The following NIPA1 variants were observed in gnomAD, a reference collection of about 807,000 sequenced individuals.
The protein encoded by NIPA1 is NIPA magnesium transporter 1.
NIPA1 carries 13 observed loss-of-function variants against 23.9 expected under a neutral mutation model. The ratio of observed to expected loss-of-function variants is 0.54; its 90% CI spans 0.35 to 0.87. NIPA1 has a LOEUF of 0.87. Ranked by LOEUF, NIPA1 falls within the 40% of genes least tolerant of loss-of-function variation. NIPA1 has a pLI of 0.01. For missense variants in NIPA1, 362 were observed against 429.7 expected (o/e 0.84, Z 1.39); for synonymous variants, 234 against 202.9 (o/e 1.15, Z -1.30).
upstream of NIPA1, chr15:22,786,553 ACCCGTCCCCCTCCCCTCCCCCG>A (rs1195139931): frequency 1.0e-5 from 2 of 192,642 alleles, no homozygotes; most frequent in African/African-American, 3.1e-5. Context: ...CTCCTCCCCC[ACCCGTCCCCCTCCCCTCCCCCG>A]CCCGCGCCTC....
Position 22,824,253 on chromosome 15 carries a change from C to T in NIPA1, c.*14C>T. 1 of 1,609,976 alleles carries T rather than the reference C, an allele frequency of 6.2e-7. No individual in the cohort carries two copies. Among genetic ancestry groups the T allele is most frequent in the Non-Finnish European group, 8.5e-7 (1 of 1,176,226 alleles). On this transcript the variant is annotated 3_prime_UTR_variant, in exon 5 of 5. Transcript: ENST00000337435. This position sits in a 1 kb window ranked among gnomAD's most constrained non-coding sequence, Gnocchi z 4.1. The stretch of plus-strand genomic sequence containing the variant: ...AAAACAGACTAGATTGCAATAGGAG[C>T]TTGGATGGTTCGAGGAATAGGCATT...
chr15:22,823,054 G>A (rs1158911153), intron 4 of NIPA1, among the ~76,000 whole-genome samples: 1 of 149,524 alleles, frequency 6.7e-6, no homozygotes. Flanking sequence ...GAGTAGCTGG[G>A]ATTACTGGTG....
chr15:22,800,650 C>T (rs1003973551), intron 1 of NIPA1, among the ~76,000 whole-genome samples: 12 of 151,982 alleles, frequency 7.9e-5, no homozygotes, highest in East Asian at 3.9e-4. Flanking sequence ...AAATTGGCAC[C>T]GGGCATCGTG....
chr15:22,823,569 G>A (rs902703254), intron 4 of NIPA1, among the ~76,000 whole-genome samples, 159 bp from the exon 5 acceptor site: 6 of 152,196 alleles, frequency 3.9e-5, no homozygotes, highest in African/African-American at 1.2e-4. Context: ...CAGTGGGTCT[G>A]GTAAATTCAA....
At chr15:22,798,632 A>G (rs1894994956) in intron 1 of NIPA1, among the ~76,000 whole-genome samples, 1 of 148,634 alleles carries the variant, frequency 6.7e-6, no homozygotes, top group Non-Finnish European at 1.5e-5. Context: ...GTGGATCACG[A>G]GGTCAGGAGA....
At chr15:22,793,442 T>A (rs1353232925) in intron 1 of NIPA1, among the ~76,000 whole-genome samples, 2 of 150,746 alleles carry the variant, frequency 1.3e-5, no homozygotes, top group Admixed American at 6.6e-5. Context: ...TTAGAGCTTC[T>A]TTTTTTTTAT....
chr15:22,788,949 T>C (rs1226709661), intron 1 of NIPA1, among the ~76,000 whole-genome samples: 1 of 125,308 alleles, frequency 8.0e-6, no homozygotes, highest in Non-Finnish European at 1.7e-5. Context: ...ATAAATGCTG[T>C]TTCTTATACC....
At chr15:22,794,591 T>G (rs1052306185) in intron 1 of NIPA1, among the ~76,000 whole-genome samples, 1 of 152,094 alleles carries the variant, frequency 6.6e-6, no homozygotes, top group African/African-American at 2.4e-5. Context: ...AGTGCAGCCA[T>G]GCTGTGGAGA....
Position 22,813,887 on chromosome 15 carries a change from T to G in NIPA1, c.317+1634T>G, listed in dbSNP as rs75658194. Among the ~76,000 whole-genome samples the G allele has an allele frequency of 8.9e-3, 1,359 of 152,260 alleles. 13 individuals carry two copies. The highest frequency in any genetic ancestry group is 0.068 in the Middle Eastern group (20 of 294). On this transcript the variant is annotated intron_variant, in intron 3 of 4. Transcript: ENST00000337435. ...AGAGTGTTCTCACTTTGGGAAACAC[T>G]CCTCCAGCTTCTGTGACCCGTCCCC... is the stretch of plus-strand genomic sequence containing the variant.
rs1004362098 is a variant in NIPA1 at position 22,824,824 on chromosome 15, G to C, written c.*585G>C. 4 of 148,774 alleles carry C rather than the reference G, an allele frequency of 2.7e-5. No individual in the cohort carries two copies. The highest frequency in any genetic ancestry group is 1.0e-4 in the African/African-American group (4 of 38,962). 9.2% of individuals were successfully genotyped at this position (148,774 alleles called of 1,614,324 possible). On this transcript the variant is annotated 3_prime_UTR_variant, in exon 5 of 5. Coordinates refer to ENST00000337435, the MANE Select transcript of NIPA1 (RefSeq NM_144599.5). This position sits in a 1 kb window ranked among gnomAD's most constrained non-coding sequence, Gnocchi z 4.1. ...GACATTTTAATAGTAAATAGAGAGA[G>C]AGAGAAGAGTTAATGAACATGAGGT...
At position 22,786,763 on chromosome 15, in the gene NIPA1, T is replaced by C. The variant is rs1333594023; in HGVS notation, c.107T>C (p.Val36Ala). Residue 36 changes from valine (V) to alanine (A), a missense_variant, in exon 1 of 5, where the codon GTC becomes GCC. Around this residue, in one of 2 missense-constraint regions of NIPA1, gnomAD observed 85 missense variants for 57.7 expected, o/e 1.47. Transcript: ENST00000337435. ...GTGTCGCTCGGCCTGGGCGTGGCCG[T>C]CGTGTCGAGCCTGGTGAACGGGTCC... is the stretch of plus-strand genomic sequence containing the variant. ...AAVSLGLGVA[V>A]VSSLVNGSTF... 5 of 1,305,164 alleles carry C rather than the reference T, an allele frequency of 3.8e-6. No individual in the cohort carries two copies. Among genetic ancestry groups the C allele is most frequent in the Non-Finnish European group, 5.0e-6 (5 of 1,006,414 alleles). The allele number at this position is 1,305,164 out of a possible 1,614,324, so 80.8% of individuals were successfully genotyped here. A position where few individuals can be genotyped will look rare whatever the true frequency, so the allele number is the denominator to read the frequency against.
rs529058039 is a variant in NIPA1 at position 22,792,619 on chromosome 15, A to G, written c.178+5785A>G. Among the ~76,000 whole-genome samples the G allele has an allele frequency of 2.0e-4, 30 of 151,942 alleles. 1 individual carries two copies. In the South Asian group the frequency reaches 6.1e-3, roughly 31 times the overall value. ...GTGATCTGCCTTCTTCGGCCTCCCA[A>G]TGTGCTGGGCTCCCACTGTGCCCAG... On this transcript the variant is annotated intron_variant, in intron 1 of 4. Coordinates refer to ENST00000337435, the MANE Select transcript of NIPA1 (RefSeq NM_144599.5).
At chr15:22,810,543 A>G (rs1337632473) in intron 1 of NIPA1, among the ~76,000 whole-genome samples, 2 of 152,132 alleles carry the variant, frequency 1.3e-5, no homozygotes, top group African/African-American at 4.8e-5. Context: ...GTTGGTTGCA[A>G]AAAATATCTT....
chr15:22,801,672 G>A (rs555921191), intron 1 of NIPA1, among the ~76,000 whole-genome samples: 194 of 151,770 alleles, frequency 1.3e-3, no homozygotes, highest in African/African-American at 4.4e-3. Context: ...ACCCGCCACC[G>A]CGCCCAGCTA....
At chr15:22,799,686 T>G (rs1447005327) in intron 1 of NIPA1, among the ~76,000 whole-genome samples, 4 of 149,524 alleles carry the variant, frequency 2.7e-5, no homozygotes, top group Non-Finnish European at 4.5e-5. Flanking sequence ...GGAGGCTGAG[T>G]CAGGAGAATG....
chr15:22,794,240 G>C (rs566078715), intron 1 of NIPA1, among the ~76,000 whole-genome samples: 1 of 151,150 alleles, frequency 6.6e-6, no homozygotes, highest in African/African-American at 2.4e-5. Flanking sequence ...TGTGCTGAGC[G>C]AAACAAGCCA....
upstream of NIPA1, chr15:22,786,604 G>GC (rs1390135287): frequency 1.7e-5 from 12 of 708,054 alleles, no homozygotes; most frequent in African/African-American, 1.0e-4. Flanking sequence ...CCCCCATCCC[G>GC]CCCCGCGGGG....
chr15:22,809,114 C>T (rs539570622), intron 1 of NIPA1, among the ~76,000 whole-genome samples: 93 of 152,164 alleles, frequency 6.1e-4, no homozygotes, highest in African/African-American at 2.0e-3. Flanking sequence ...TGGCTGGGCA[C>T]GGTGATTCAC....
At chr15:22,804,938 A>G (rs11263685) in intron 1 of NIPA1, among the ~76,000 whole-genome samples, 129,223 of 151,998 alleles carry the variant, frequency 0.85, 55,472 homozygotes, top group East Asian at 1. Context: ...CTGGGTTCAC[A>G]CCATTCTCCT....
Sources: allele counts gnomAD v4.1 joint callset (sites outside exome capture counted in the v4.1 genomes callset), GRCh38; gene constraint gnomAD v4.1.1; regional missense constraint gnomAD v4.1.1; non-coding constraint Gnocchi (gnomAD v3.1); transcripts MANE v1.5; gene names NCBI Gene and HGNC (gene_info 2026-07-23, HGNC 2026-07-21).